The following KATNIP variants were observed in gnomAD, a reference collection of about 807,000 sequenced individuals.
The protein encoded by KATNIP is katanin-interacting protein.
KATNIP carries 126 observed loss-of-function variants against 174.0 expected under a neutral mutation model. The ratio of observed to expected loss-of-function variants is 0.72; its 90% CI spans 0.63 to 0.84. The LOEUF (loss-of-function observed/expected upper bound fraction) is 0.84. Among genes scored for constraint, KATNIP ranks in the 40% least tolerant of loss-of-function variants. The pLI, the probability that KATNIP is intolerant of heterozygous loss-of-function variation, is 0.00. For missense variants in KATNIP, 1,958 were observed against 2,109.7 expected (o/e 0.93, Z 1.41); for synonymous variants, 810 against 835.7 (o/e 0.97, Z 0.53).
chr16:27,576,142 C>G (rs1295232188), intron 2 of KATNIP, among the ~76,000 whole-genome samples: 1 of 152,152 alleles, frequency 6.6e-6, no homozygotes, highest in Non-Finnish European at 1.5e-5. Flanking sequence ...ACTGGGAAAC[C>G]ATGGAGCGGG....
At chr16:27,759,016 A>G (rs2081845948) in intron 18 of KATNIP, among the ~76,000 whole-genome samples, 1 of 152,250 alleles carries the variant, frequency 6.6e-6, no homozygotes, top group African/African-American at 2.4e-5. Context: ...TTGACTGTGA[A>G]GTTGGTAAAA....
chr16:27,581,937 G>A (rs553275622), intron 2 of KATNIP, among the ~76,000 whole-genome samples: 1 of 152,182 alleles, frequency 6.6e-6, no homozygotes, highest in South Asian at 2.1e-4. Context: ...CCTTTTTATG[G>A]CTGAGTAGTA....
chr16:27,765,732 GCA>G (rs1401828798), intron 19 of KATNIP, among the ~76,000 whole-genome samples: 1 of 152,108 alleles, frequency 6.6e-6, no homozygotes, highest in African/African-American at 2.4e-5. Flanking sequence ...TTTCACTTTT[GCA>G]CACTCTCTCC....
chr16:27,644,931 A>T (rs1409593783), intron 5 of KATNIP, among the ~76,000 whole-genome samples: 1 of 152,210 alleles, frequency 6.6e-6, no homozygotes, highest in East Asian at 1.9e-4. Flanking sequence ...CTGGAGCAGA[A>T]TATTAAAGGA....
intron 6 of KATNIP, among the ~76,000 whole-genome samples, chr16:27,666,723 A>G (rs2077699975): frequency 6.6e-6 from 1 of 151,816 alleles, no homozygotes; most frequent in East Asian, 2.0e-4. Context: ...CGGGAATGCG[A>G]TTTTTAAAAT....
At chr16:27,564,544 A>G (rs2090013060) in intron 1 of KATNIP, among the ~76,000 whole-genome samples, 1 of 152,070 alleles carries the variant, frequency 6.6e-6, no homozygotes, top group Non-Finnish European at 1.5e-5. Context: ...GGAAAAGAAG[A>G]TCTTAGCATG....
intron 10 of KATNIP, among the ~76,000 whole-genome samples, chr16:27,701,122 G>C (rs2079083618): frequency 6.6e-6 from 1 of 152,168 alleles, no homozygotes; most frequent in Non-Finnish European, 1.5e-5. Context: ...GTACAAAGCA[G>C]AACAGGGGCT....
chr16:27,692,340 AT>A (rs2078763730), intron 8 of KATNIP, among the ~76,000 whole-genome samples: 2 of 152,192 alleles, frequency 1.3e-5, no homozygotes, highest in East Asian at 1.9e-4. Flanking sequence ...GTTGGGTGAT[AT>A]TCACAAATAC....
At chr16:27,748,197 G>A (rs182486875) in intron 15 of KATNIP, among the ~76,000 whole-genome samples, 46 of 152,332 alleles carry the variant, frequency 3.0e-4, no homozygotes, top group Admixed American at 2.0e-3. Context: ...GTCTGGGACC[G>A]TGTTCTCCAC....
At chr16:27,570,275 A>G (rs535998945) in intron 1 of KATNIP, among the ~76,000 whole-genome samples, 25 of 152,176 alleles carry the variant, frequency 1.6e-4, no homozygotes, top group Non-Finnish European at 1.3e-4. Flanking sequence ...TTTCCCTTAC[A>G]GGAGTGAGCC....
rs748470951 is a variant in KATNIP at position 27,631,149 on chromosome 16, G to T, written c.395G>T (p.Arg132Leu). 6.4e-7 allele frequency: 1 copy of T among 1,568,322 alleles called. No homozygotes were observed. The highest frequency in any genetic ancestry group is 1.9e-5 in the Admixed American group (1 of 53,514). The change falls in exon 5 of 28, where the codon CGA (arginine) becomes CTA (leucine). Residue 132 changes from arginine (R) to leucine (L), a missense_variant. Coordinates refer to ENST00000261588, the MANE Select transcript of KATNIP (RefSeq NM_015202.5). ...SRTAPSKVQR[R>L]GWHQKSVQIR... ...ACAGCCCCCAGTAAAGTCCAGCGCC[G>T]AGGATGGCACCAGGTCTGGAGACTG...
chr16:27,636,786 G>C (rs1034210944), intron 5 of KATNIP, among the ~76,000 whole-genome samples: 2 of 152,350 alleles, frequency 1.3e-5, no homozygotes, highest in South Asian at 2.1e-4. Flanking sequence ...GGAGCTGGCC[G>C]TGTAACCACT....
chr16:27,733,557 CAAG>C (rs1156340009), intron 14 of KATNIP, among the ~76,000 whole-genome samples: 2 of 134,702 alleles, frequency 1.5e-5, no homozygotes, highest in Non-Finnish European at 3.1e-5. Flanking sequence ...ACCAAGGAAA[CAAG>C]AAGGACACAC....
chr16:27,676,428 C>T (rs972339801), intron 6 of KATNIP, among the ~76,000 whole-genome samples: 1 of 152,266 alleles, frequency 6.6e-6, no homozygotes, highest in Non-Finnish European at 1.5e-5. Flanking sequence ...GTTCTATACA[C>T]TCAAGGTGTT....
intron 6 of KATNIP, chr16:27,669,168 C>T (rs2142616702): frequency 2.1e-6 from 1 of 479,078 alleles, no homozygotes; most frequent in East Asian, 1.5e-4. Context: ...CCTGATGTCA[C>T]TTTTCCTAGT....
At chr16:27,572,832 C>T (rs1226773854) in intron 1 of KATNIP, among the ~76,000 whole-genome samples, 15 of 152,190 alleles carry the variant, frequency 9.9e-5, no homozygotes, top group Admixed American at 9.8e-4. Context: ...TCTCCAGTGG[C>T]CTCATTTCGA....
chr16:27,580,143 C>T (rs149544568), intron 2 of KATNIP, among the ~76,000 whole-genome samples: 220 of 152,236 alleles, frequency 1.4e-3, no homozygotes, highest in Middle Eastern at 3.4e-3. Flanking sequence ...GACAGGGTCT[C>T]GCTGTGTTAC....
intron 1 of KATNIP, among the ~76,000 whole-genome samples, chr16:27,553,620 G>C (rs911065564): frequency 6.6e-6 from 1 of 152,094 alleles, no homozygotes; most frequent in African/African-American, 2.4e-5. Context: ...TTCAAGACCA[G>C]CTTCGTCAAC....
At chr16:27,669,927 A>G (rs539596596) in intron 6 of KATNIP, among the ~76,000 whole-genome samples, 18 of 152,060 alleles carry the variant, frequency 1.2e-4, no homozygotes, top group Non-Finnish European at 2.1e-4. Flanking sequence ...GGCTCAAGCA[A>G]TCTTCCCACC....
Sources: allele counts gnomAD v4.1 joint callset (sites outside exome capture counted in the v4.1 genomes callset), GRCh38; gene constraint gnomAD v4.1.1; transcripts MANE v1.5; gene names NCBI Gene and HGNC (gene_info 2026-07-23, HGNC 2026-07-21).